Variants in MAGI1 observed in about 807,000 individuals in gnomAD.
MAGI1 encodes membrane associated guanylate kinase, WW and PDZ domain containing 1, also known as membrane-associated guanylate kinase, WW and PDZ domain-containing protein 1.
A neutral mutation model predicts 139.9 loss-of-function variants in MAGI1; 58 were observed. The ratio of observed to expected loss-of-function variants is 0.41; its 90% CI spans 0.34 to 0.52. The LOEUF (loss-of-function observed/expected upper bound fraction) is 0.52. MAGI1 is among the 20% of genes least tolerant of loss of function. The pLI, the probability that MAGI1 is intolerant of heterozygous loss-of-function variation, is 0.12. For missense variants in MAGI1, 1,874 were observed against 1,901.6 expected, an observed-to-expected ratio of 0.99 and a Z score of 0.27; for synonymous variants, 812 against 737.9, an observed-to-expected ratio of 1.10 and a Z score of -1.63.
At chr3:65,849,331 A>T (rs781103147) in intron 1 of MAGI1, among the ~76,000 whole-genome samples, 1 of 151,502 alleles carries the variant, frequency 6.6e-6, no homozygotes, top group African/African-American at 2.4e-5. Context: ...GACCCAGACC[A>T]TTCTTTTCCC....
chr3:65,891,907 TA>T (rs2060778109), intron 1 of MAGI1, among the ~76,000 whole-genome samples: 1 of 74,332 alleles, frequency 1.3e-5, no homozygotes, highest in East Asian at 4.3e-4. Flanking sequence ...TATATATATA[TA>T]TATATATATA....
intron 10 of MAGI1, 140 bp from the exon 11 acceptor site, chr3:65,431,021 C>T: frequency 2.6e-6 from 2 of 782,110 alleles, no homozygotes; most frequent in Non-Finnish European, 4.0e-6. Context: ...AGAAAGTCCT[C>T]TCTTAATTTG....
intron 1 of MAGI1, among the ~76,000 whole-genome samples, chr3:65,956,571 A>C (rs146816787): frequency 6.6e-6 from 1 of 152,334 alleles, no homozygotes; most frequent in East Asian, 1.9e-4. Flanking sequence ...TAAAAAATTC[A>C]AAGTAGGCAT....
At chr3:65,609,433 A>C (rs1361098731) in intron 2 of MAGI1, among the ~76,000 whole-genome samples, 1 of 151,628 alleles carries the variant, frequency 6.6e-6, no homozygotes, top group African/African-American at 2.4e-5. Flanking sequence ...ACGTGCCACC[A>C]TGCCCAATTA....
chr3:65,459,815 T>C (rs1949652588), intron 5 of MAGI1, among the ~76,000 whole-genome samples: 1 of 152,084 alleles, frequency 6.6e-6, no homozygotes. Flanking sequence ...TCCCAGCTAC[T>C]TGGGAGGCTG....
intron 1 of MAGI1, among the ~76,000 whole-genome samples, chr3:65,938,450 C>T (rs928621068): frequency 1.3e-5 from 2 of 151,314 alleles, no homozygotes; most frequent in Admixed American, 6.6e-5. Flanking sequence ...CAAGGTGATT[C>T]GAGTACTATT....
chr3:65,634,736 T>G (rs529636383), intron 1 of MAGI1, among the ~76,000 whole-genome samples: 6 of 152,132 alleles, frequency 3.9e-5, no homozygotes, highest in Non-Finnish European at 5.9e-5. Context: ...TTTAAAAAAA[T>G]AAGAACAACA....
At chr3:65,916,261 G>A (rs1013511426) in intron 1 of MAGI1, among the ~76,000 whole-genome samples, 3 of 151,992 alleles carry the variant, frequency 2.0e-5, no homozygotes, top group Non-Finnish European at 4.4e-5. Context: ...TAGAGACGGG[G>A]TTTCGCCATG....
intron 1 of MAGI1, among the ~76,000 whole-genome samples, chr3:65,757,723 A>G (rs1340987706): frequency 6.6e-6 from 1 of 152,256 alleles, no homozygotes; most frequent in African/African-American, 2.4e-5. Flanking sequence ...TTATGCAGGA[A>G]CTATTAACTG....
intron 1 of MAGI1, among the ~76,000 whole-genome samples, chr3:65,795,419 T>A (rs61224196): frequency 0.024 from 3,590 of 152,236 alleles, 124 homozygotes; most frequent in African/African-American, 0.081. Context: ...CTACGCTGCA[T>A]GAAAACCATA....
chr3:65,868,095 G>C (rs1475503895), intron 1 of MAGI1, among the ~76,000 whole-genome samples: 2 of 152,152 alleles, frequency 1.3e-5, no homozygotes, highest in East Asian at 1.9e-4. Flanking sequence ...GTTTCAGGTA[G>C]AGAAAGAAAG....
chr3:65,576,323 G>GAC (rs1301512123), intron 2 of MAGI1, among the ~76,000 whole-genome samples: 2 of 152,164 alleles, frequency 1.3e-5, no homozygotes, highest in East Asian at 1.9e-4. Flanking sequence ...TCAATATAGT[G>GAC]ACACCAATAT....
chr3:65,767,457 G>T (rs1471364512), intron 1 of MAGI1, among the ~76,000 whole-genome samples: 12 of 150,820 alleles, frequency 8.0e-5, no homozygotes, highest in Non-Finnish European at 4.4e-5. Context: ...ACACAGAAAA[G>T]AAAAAAGAAA....
intron 3 of MAGI1, among the ~76,000 whole-genome samples, chr3:65,489,729 G>A (rs1343256203): frequency 6.6e-6 from 1 of 152,304 alleles, no homozygotes; most frequent in Non-Finnish European, 1.5e-5. Context: ...CAATAACAGA[G>A]TGAAGTAAAC....
At chr3:65,698,646 A>G (rs1175001780) in intron 1 of MAGI1, among the ~76,000 whole-genome samples, 1 of 152,080 alleles carries the variant, frequency 6.6e-6, no homozygotes, top group Non-Finnish European at 1.5e-5. Flanking sequence ...TATTTAATAA[A>G]TGGCGCTGGG....
In MAGI1 at chr3:65,678,631, G is replaced by A. The variant is rs188098630; in HGVS notation, c.314-56543C>T. Among the ~76,000 whole-genome samples, 365 of 152,262 alleles carry A rather than the reference G, an allele frequency of 2.4e-3. 2 individuals carry two copies. Among genetic ancestry groups the A allele is most frequent in the African/African-American group, 7.8e-3 (323 of 41,554 alleles). On this transcript the variant is annotated intron_variant, in intron 1 of 22. Coordinates refer to ENST00000402939, the MANE Select transcript of MAGI1 (RefSeq NM_001033057.2). Reference sequence around the variant, plus strand: ...ACTCCTGGAAGCATACTCATATCTGGTTAACTGACACTAACCCACAGCTTG... The same window carrying A: ...ACTCCTGGAAGCATACTCATATCTGATTAACTGACACTAACCCACAGCTTG...
chr3:65,439,811 G>T, intron 9 of MAGI1, 68 bp downstream of exon 9: 1 of 1,599,462 alleles, frequency 6.3e-7, no homozygotes, highest in Admixed American at 1.7e-5. Flanking sequence ...ACCACACGAG[G>T]GTGTCAGCGC....
rs1055966772 is a variant in MAGI1 at position 65,454,555 on chromosome 3, T to A, written c.960-1215A>T. ...ATAATAATAATAATAATAATAATAATAAAAAAATACTTGTTTTACAAAAAA... is the reference window on the plus strand; with the variant it reads ...ATAATAATAATAATAATAATAATAAAAAAAAAATACTTGTTTTACAAAAAA... On this transcript the variant is annotated intron_variant, in intron 5 of 22. Transcript: ENST00000402939. 1.2e-4 allele frequency among the ~76,000 whole-genome samples: 16 copies of A among 135,644 alleles called. 1 individual carries two copies. The highest frequency in any genetic ancestry group is 4.4e-4 in the Admixed American group (6 of 13,696). The allele number at this position is 135,644 out of a possible 152,430, so 89.0% of individuals were successfully genotyped here. A position where few individuals can be genotyped will look rare whatever the true frequency, so the allele number is the denominator to read the frequency against.
At chr3:65,846,974 T>TAAAAAAAAA (rs1300326490) in intron 1 of MAGI1, among the ~76,000 whole-genome samples, 1 of 22,318 alleles carries the variant, frequency 4.5e-5, no homozygotes, top group African/African-American at 5.3e-4. Context: ...AGCAATGTCT[T>TAAAAAAAAA]ACAAAAAAAA....
Sources: allele counts gnomAD v4.1 joint callset (sites outside exome capture counted in the v4.1 genomes callset), GRCh38; gene constraint gnomAD v4.1.1; transcripts MANE v1.5; gene names NCBI Gene and HGNC (gene_info 2026-07-23, HGNC 2026-07-21).